Variants in NEK10 observed in about 807,000 individuals in gnomAD.
The protein encoded by NEK10 is serine/threonine-protein kinase Nek10.
Under a neutral mutation model 159.8 loss-of-function variants are expected in NEK10, and 122 were observed. The observed-to-expected ratio is 0.76, with a 90% CI of 0.66 to 0.89. NEK10 has a LOEUF of 0.89. Ranked by LOEUF, NEK10 falls within the 40% of genes least tolerant of loss-of-function variation. The probability of loss-of-function intolerance (pLI) is 0.00; values close to 1 mark genes in which losing one functional copy is unlikely to be tolerated. For synonymous variants in NEK10, 466 were observed against 457.1 expected (o/e 1.02, Z -0.25); for missense variants, 1,342 against 1,323.1 (o/e 1.01, Z -0.22).
At chr3:27,210,946 T>C (rs1317818782) in intron 23 of NEK10, among the ~76,000 whole-genome samples, 1 of 152,212 alleles carries the variant, frequency 6.6e-6, no homozygotes, top group Non-Finnish European at 1.5e-5. Context: ...ATTTGATAGA[T>C]TAATGCAATA....
intron 23 of NEK10, among the ~76,000 whole-genome samples, chr3:27,202,896 C>T (rs1278937168): frequency 6.6e-6 from 1 of 152,124 alleles, no homozygotes; most frequent in Non-Finnish European, 1.5e-5. Context: ...TCTGTACATC[C>T]CATCCTTGTG....
At chr3:27,214,512 T>A (rs1951300612) in intron 23 of NEK10, among the ~76,000 whole-genome samples, 1 of 152,024 alleles carries the variant, frequency 6.6e-6, no homozygotes, top group Non-Finnish European at 1.5e-5. Flanking sequence ...CTTATTCAAG[T>A]CACTCAAATG....
intron 35 of NEK10, among the ~76,000 whole-genome samples, chr3:27,115,647 T>A (rs1940300759): frequency 6.6e-6 from 1 of 152,180 alleles, no homozygotes; most frequent in Non-Finnish European, 1.5e-5. Flanking sequence ...AAAAAACCAA[T>A]CTAGAAATGC....
intron 23 of NEK10, among the ~76,000 whole-genome samples, chr3:27,213,662 T>C (rs1951220884): frequency 6.6e-6 from 1 of 152,184 alleles, no homozygotes; most frequent in Non-Finnish European, 1.5e-5. Flanking sequence ...CTCCTCTTTT[T>C]GGAATTCAGG....
intron 23 of NEK10, chr3:27,215,946 C>T (rs1951483306): frequency 1.8e-6 from 1 of 569,682 alleles, no homozygotes; most frequent in Non-Finnish European, 3.2e-6. Context: ...GAAATTCGCC[C>T]CCATAATACA....
chr3:27,219,765 G>A (rs1230713914), intron 23 of NEK10, among the ~76,000 whole-genome samples: 1 of 152,132 alleles, frequency 6.6e-6, no homozygotes, highest in Non-Finnish European at 1.5e-5. Context: ...GTCTCCAGAT[G>A]GGAAGGAAAG....
rs1175011124 is a variant in NEK10 at position 27,291,525 on chromosome 3, T to C, written c.1435A>G (p.Ser479Gly). The C allele has an allele frequency of 6.2e-7, 1 of 1,611,714 alleles. No homozygotes were observed. Among genetic ancestry groups the C allele is most frequent in the Non-Finnish European group, 8.5e-7 (1 of 1,177,788 alleles). ...TTGGATACCAATTCTTCATAAGCAC[T>C]GATATCACGTACATAATGCCCTATG... is the stretch of plus-strand genomic sequence containing the variant. ...IDIGHYVRDISAYEELVSKLN... is the reference protein window; with the variant it reads ...IDIGHYVRDIGAYEELVSKLN... Residue 479 changes from serine to glycine, a missense_variant, in exon 17 of 36, where the codon AGT becomes GGT. Coordinates refer to ENST00000691995, the MANE Select transcript of NEK10 (RefSeq NM_001394966.1).
In NEK10 at chr3:27,187,261, C is replaced by T. The variant is rs193101110; in HGVS notation, c.2505+4768G>A. On this transcript the variant is annotated intron_variant, in intron 26 of 35. Transcript: ENST00000691995. The stretch of plus-strand genomic sequence containing the variant: ...GACATGGGGATGCTTAAGCTTTCTC[C>T]TGTACTCTGTTGCCATCTTCGGAAG... Among the ~76,000 whole-genome samples, 3 of 152,276 alleles carry T rather than the reference C, an allele frequency of 2.0e-5. No individual in the cohort carries two copies. In the East Asian group the frequency reaches 5.8e-4, roughly 29 times the overall value.
At chr3:27,286,079 C>CTTTT (rs35663067) in intron 20 of NEK10, among the ~76,000 whole-genome samples, 750 of 57,752 alleles carry the variant, frequency 0.013, 95 homozygotes, top group African/African-American at 0.023. Context: ...ATTTCCAATT[C>CTTTT]TTTTTTTTTT....
chr3:27,156,001 A>G (rs1005298127), intron 30 of NEK10, among the ~76,000 whole-genome samples: 4 of 152,092 alleles, frequency 2.6e-5, no homozygotes, highest in African/African-American at 9.7e-5. Context: ...CTTACCAACC[A>G]ATCTTCAACA....
intron 5 of NEK10, among the ~76,000 whole-genome samples, chr3:27,324,165 A>T (rs763451512): frequency 2.0e-5 from 3 of 152,128 alleles, no homozygotes; most frequent in Non-Finnish European, 4.4e-5. Context: ...ACTGTGAACA[A>T]TTTCTATTTT....
chr3:27,142,544 C>T (rs1309067561), intron 30 of NEK10, among the ~76,000 whole-genome samples: 1 of 151,744 alleles, frequency 6.6e-6, no homozygotes, highest in Non-Finnish European at 1.5e-5. Context: ...CAAAGACCCT[C>T]TTTTCTTCCC....
At position 27,193,100 on chromosome 3, in the gene NEK10, A is replaced by G. The variant is rs141054978; in HGVS notation, c.2292-858T>C. Reference sequence around the variant, plus strand: ...ACGAGGTAATCTCTGTGAAGTGCACATGCATTGTAAAATTTCAATAAATTG... The same window carrying G: ...ACGAGGTAATCTCTGTGAAGTGCACGTGCATTGTAAAATTTCAATAAATTG... On this transcript the variant is annotated intron_variant, in intron 25 of 35. Coordinates refer to ENST00000691995, the MANE Select transcript of NEK10 (RefSeq NM_001394966.1). Among the ~76,000 whole-genome samples, 101 of 152,336 alleles carry G rather than the reference A, an allele frequency of 6.6e-4. 1 individual carries two copies. The highest frequency in any genetic ancestry group is 1.4e-3 in the Non-Finnish European group (94 of 68,036).
At chr3:27,143,857 G>A (rs911456350) in intron 30 of NEK10, among the ~76,000 whole-genome samples, 1 of 152,094 alleles carries the variant, frequency 6.6e-6, no homozygotes, top group South Asian at 2.1e-4. Context: ...CTTCAAAACA[G>A]TGTTTTTCAA....
At chr3:27,329,809 C>T (rs1419943753) in intron 5 of NEK10, among the ~76,000 whole-genome samples, 1 of 152,182 alleles carries the variant, frequency 6.6e-6, no homozygotes, top group East Asian at 1.9e-4. Context: ...TTGGACCTTA[C>T]CTGCTCATCT....
chr3:27,317,915 G>T (rs1246053592), intron 6 of NEK10, among the ~76,000 whole-genome samples: 1 of 152,124 alleles, frequency 6.6e-6, no homozygotes, highest in Non-Finnish European at 1.5e-5. Context: ...CCATTCTTCT[G>T]CCTCAGCCTC....
Position 27,282,559 on chromosome 3 carries a change from T to TAC in NEK10, c.2014+2041_2014+2042dup, listed in dbSNP as rs1553616034. On this transcript the variant is annotated intron_variant, in intron 22 of 35. Transcript: ENST00000691995. ...TGTGTTATATATATATATATATATA[T>TAC]ACATAACTGTGTTATATATATATAC... Among the ~76,000 whole-genome samples the TAC allele has an allele frequency of 4.4e-3, 378 of 86,862 alleles. 31 individuals carry two copies. Among genetic ancestry groups the TAC allele is most frequent in the African/African-American group, 0.018 (328 of 18,742 alleles). The allele number at this position is 86,862 out of a possible 152,430, so 57.0% of individuals were successfully genotyped here.
At chr3:27,354,558 A>C (rs1418419448) in intron 1 of NEK10, among the ~76,000 whole-genome samples, 3 of 152,224 alleles carry the variant, frequency 2.0e-5, no homozygotes, top group Non-Finnish European at 2.9e-5. Flanking sequence ...AAAAGCTTTG[A>C]GAAGTTGGGA....
intron 22 of NEK10, among the ~76,000 whole-genome samples, chr3:27,276,583 G>A (rs1336478452): frequency 6.6e-6 from 1 of 152,158 alleles, no homozygotes; most frequent in Admixed American, 6.6e-5. Context: ...ATTACTTGAA[G>A]GATTTTAACC....
Sources: allele counts gnomAD v4.1 joint callset (sites outside exome capture counted in the v4.1 genomes callset), GRCh38; gene constraint gnomAD v4.1.1; transcripts MANE v1.5; gene names NCBI Gene and HGNC (gene_info 2026-07-23, HGNC 2026-07-21).